GLCCI1: variants seen among roughly 807,000 people sequenced by gnomAD.
GLCCI1 encodes the protein glucocorticoid induced 1, also known as glucocorticoid-induced transcript 1 protein.
In GLCCI1, 24 loss-of-function variants were observed where a neutral mutation model predicts 52.2. The observed-to-expected ratio is 0.46, with a 90% CI of 0.33 to 0.65. The LOEUF (loss-of-function observed/expected upper bound fraction) is 0.65. GLCCI1 is among the 30% of genes least tolerant of loss of function. GLCCI1 has a pLI of 0.02. For missense variants in GLCCI1, 704 were observed against 701.5 expected, an observed-to-expected ratio of 1.00 and a Z score of -0.04; for synonymous variants, 310 against 276.5, an observed-to-expected ratio of 1.12 and a Z score of -1.20.
rs567671826 is a variant in GLCCI1, at chr7:8,025,416, G to A, written c.696+2847G>A. 3.3e-5 allele frequency among the ~76,000 whole-genome samples: 5 copies of A among 152,220 alleles called. No homozygotes were observed. In the East Asian group the frequency reaches 9.6e-4, roughly 29 times the overall value. On this transcript the variant is annotated intron_variant, in intron 3 of 7. Coordinates refer to ENST00000223145, the MANE Select transcript of GLCCI1 (RefSeq NM_138426.4). Reference sequence around the variant, plus strand: ...AAAAAGAAGGAAACAAAATTCTAGAGTTAAAAAGGGCAATAACTAAATATA... The same window carrying A: ...AAAAAGAAGGAAACAAAATTCTAGAATTAAAAAGGGCAATAACTAAATATA...
At chr7:8,014,677 A>C (rs551261099) in intron 2 of GLCCI1, among the ~76,000 whole-genome samples, 119 of 152,298 alleles carry the variant, frequency 7.8e-4, no homozygotes, top group African/African-American at 2.8e-3. Context: ...TACCTAAGTA[A>C]CTTACTTACT....
At chr7:8,017,751 T>C (rs1488928453) in intron 2 of GLCCI1, among the ~76,000 whole-genome samples, 1 of 152,176 alleles carries the variant, frequency 6.6e-6, no homozygotes, top group Non-Finnish European at 1.5e-5. Context: ...CAGTGTTTTG[T>C]TTGAGCTGAA....
intron 2 of GLCCI1, among the ~76,000 whole-genome samples, chr7:8,012,297 A>T (rs1386660702): frequency 6.6e-6 from 1 of 151,704 alleles, no homozygotes; most frequent in Non-Finnish European, 1.5e-5. Flanking sequence ...TGTCTATTCA[A>T]GTCCTTTGTC....
intron 1 of GLCCI1, among the ~76,000 whole-genome samples, chr7:7,995,940 T>A (rs1469620991): frequency 6.6e-6 from 1 of 151,858 alleles, no homozygotes; most frequent in Non-Finnish European, 1.5e-5. Flanking sequence ...TTAAAAAAAA[T>A]AAAAATGAAA....
chr7:7,991,504 TG>T (rs1361593128), intron 1 of GLCCI1, among the ~76,000 whole-genome samples: 1 of 152,112 alleles, frequency 6.6e-6, no homozygotes, highest in Non-Finnish European at 1.5e-5. Flanking sequence ...ATTGTCCTTT[TG>T]TAGAGATTCC....
At chr7:8,014,991 A>G (rs922546129) in intron 2 of GLCCI1, among the ~76,000 whole-genome samples, 1 of 152,188 alleles carries the variant, frequency 6.6e-6, no homozygotes, top group Non-Finnish European at 1.5e-5. Flanking sequence ...ACTTCAGTCT[A>G]TGGAGTTTTA....
intron 3 of GLCCI1, among the ~76,000 whole-genome samples, chr7:8,027,656 AC>A (rs1405328087): frequency 1.3e-5 from 2 of 152,126 alleles, no homozygotes; most frequent in Non-Finnish European, 2.9e-5. Flanking sequence ...AACTCTCCAA[AC>A]AAAAGACAAC....
At chr7:7,979,858 T>A (rs576887232) in intron 1 of GLCCI1, among the ~76,000 whole-genome samples, 1 of 152,382 alleles carries the variant, frequency 6.6e-6, no homozygotes, top group Admixed American at 6.5e-5. Context: ...ATGTGTTATG[T>A]CACCATTTAC....
At chr7:7,987,043 T>C (rs1448476691) in intron 1 of GLCCI1, among the ~76,000 whole-genome samples, 3 of 152,210 alleles carry the variant, frequency 2.0e-5, no homozygotes, top group African/African-American at 7.2e-5. Context: ...TTTAATGTAA[T>C]CATTATACTG....
At chr7:8,071,319 A>C (rs1782757528) in intron 6 of GLCCI1, among the ~76,000 whole-genome samples, 188 bp downstream of exon 6, 1 of 152,022 alleles carries the variant, frequency 6.6e-6, no homozygotes, top group Non-Finnish European at 1.5e-5. Context: ...AACATCTTCC[A>C]TAAATGTGTC....
At chr7:7,971,487 G>C (rs953870467) in intron 1 of GLCCI1, among the ~76,000 whole-genome samples, 47 of 152,244 alleles carry the variant, frequency 3.1e-4, no homozygotes, top group African/African-American at 1.1e-3. Context: ...TTTCTTGTAG[G>C]GACTAAGAGG....
intron 3 of GLCCI1, among the ~76,000 whole-genome samples, chr7:8,054,588 C>G (rs1007882445): frequency 6.6e-6 from 1 of 151,968 alleles, no homozygotes; most frequent in African/African-American, 2.4e-5. Flanking sequence ...CATGGTTATT[C>G]AAGGTAAATA....
At chr7:8,019,121 T>C (rs1781431814) in intron 2 of GLCCI1, among the ~76,000 whole-genome samples, 1 of 152,222 alleles carries the variant, frequency 6.6e-6, no homozygotes, top group African/African-American at 2.4e-5. Flanking sequence ...TGGTTTTGTT[T>C]TGGCTAAAAT....
intron 2 of GLCCI1, chr7:8,004,333 C>G (rs763984149): frequency 1.4e-4 from 34 of 248,220 alleles, no homozygotes; most frequent in Non-Finnish European, 2.4e-4. Context: ...CTTTCCAATA[C>G]AAATTAAAAT....
chr7:8,062,940 G>A (rs979190400), intron 5 of GLCCI1, among the ~76,000 whole-genome samples: 1 of 152,196 alleles, frequency 6.6e-6, no homozygotes, highest in Admixed American at 6.5e-5. Flanking sequence ...ATGCGTGCAT[G>A]TGTCTTTATG....
At chr7:8,043,460 T>C (rs936957322) in intron 3 of GLCCI1, among the ~76,000 whole-genome samples, 1 of 152,202 alleles carries the variant, frequency 6.6e-6, no homozygotes, top group Non-Finnish European at 1.5e-5. Flanking sequence ...CCTTGCTAAG[T>C]AAAGTCAGAT....
intron 2 of GLCCI1, among the ~76,000 whole-genome samples, chr7:8,011,994 T>C (rs1235610203): frequency 6.6e-6 from 1 of 152,020 alleles, no homozygotes; most frequent in Non-Finnish European, 1.5e-5. Context: ...TTTTTGTATT[T>C]TTAGTAGAGA....
Position 7,969,786 on chromosome 7 carries a change from C to T in GLCCI1, c.436C>T (p.Pro146Ser), listed in dbSNP as rs773241200. ...GAGCAGCTCACCTGAGAGACGGAGC[C>T]CCGGCTCGCCCGTGTGCAGAGGTAG... is the stretch of plus-strand genomic sequence containing the variant. ...RRSSSPERRS[P>S]GSPVCRADKA... Residue 146 changes from proline to serine, a missense_variant, in exon 1 of 8, where the codon CCC (proline) becomes TCC (serine). Pro to Ser is a moderately conservative substitution (Grantham distance 74). This residue lies in a region of GLCCI1 where 547 missense variants were observed against 524.8 expected (regional missense o/e 1.04). Transcript: ENST00000223145. The surrounding 1 kb of genome is among the most constrained non-coding windows in gnomAD (Gnocchi z 4.9). 7.4e-6 allele frequency: 11 copies of T among 1,484,420 alleles called. No homozygotes were observed. In the South Asian group the frequency reaches 1.3e-4, roughly 18 times the overall value. The allele number at this position is 1,484,420 out of a possible 1,614,324, so 92.0% of individuals were successfully genotyped here.
At chr7:8,022,590 G>T in intron 3 of GLCCI1, 21 bp downstream of exon 3, 1 of 1,495,790 alleles carries the variant, frequency 6.7e-7, no homozygotes, top group Non-Finnish European at 9.1e-7. Flanking sequence ...TCTGTTTTCC[G>T]TCTGTAACCT....
Sources: gnomAD v4.1 joint callset for allele counts (sites outside exome capture counted in the v4.1 genomes callset) on GRCh38, gnomAD v4.1.1 for gene constraint, gnomAD v4.1.1 regional missense constraint, Gnocchi (gnomAD v3.1) non-coding constraint, MANE v1.5 for transcripts, NCBI Gene and HGNC (gene_info 2026-07-23, HGNC 2026-07-21) for gene names.